The following TENM2 variants were observed in gnomAD, a reference collection of about 807,000 sequenced individuals.
TENM2 encodes the protein teneurin-2.
A neutral mutation model predicts 245.2 loss-of-function variants in TENM2; 52 were observed. The ratio of observed to expected loss-of-function variants is 0.21; its 90% CI spans 0.17 to 0.27. The LOEUF (loss-of-function observed/expected upper bound fraction) is 0.27. Ranked by LOEUF, TENM2 falls within the 10% of genes least tolerant of loss-of-function variation. TENM2 has a pLI of 1.00. For synonymous variants in TENM2, 1,363 were observed against 1,438.9 expected, an observed-to-expected ratio of 0.95 and a Z score of 1.19; for missense variants, 3,046 against 3,666.8, an observed-to-expected ratio of 0.83 and a Z score of 4.37.
At chr5:167,871,225 G>A (rs779031859) in intron 2 of TENM2, among the ~76,000 whole-genome samples, 3 of 152,124 alleles carry the variant, frequency 2.0e-5, no homozygotes, top group East Asian at 1.9e-4. Context: ...AGGACCTGGA[G>A]CATGGCTGTC....
chr5:167,258,265 G>A, the TENM2 span, among the ~76,000 whole-genome samples: 2 of 144,502 alleles, frequency 1.4e-5, no homozygotes, highest in African/African-American at 2.7e-5. Flanking sequence ...ATAGTGCAGT[G>A]TCCATATCAG....
At chr5:167,568,050 C>T (rs1368401687) in intron 2 of TENM2, among the ~76,000 whole-genome samples, 1 of 150,762 alleles carries the variant, frequency 6.6e-6, no homozygotes, top group Non-Finnish European at 1.5e-5. Context: ...AGATATAAAT[C>T]AAATAAAAAA....
Position 167,868,632 on chromosome 5 carries a change from G to T in TENM2, c.503-7354G>T, listed in dbSNP as rs1309960303. The stretch of plus-strand genomic sequence containing the variant: ...CGTGCCTGTAATCCCAGCTACTCAG[G>T]AGGCTGAGGCATGAGAATCACTTGA... On this transcript the variant is annotated intron_variant, in intron 2 of 28. Coordinates refer to ENST00000518659, the Ensembl canonical transcript of TENM2. Among the ~76,000 whole-genome samples, 5 of 150,994 alleles carry T rather than the reference G, an allele frequency of 3.3e-5. No individual in the cohort carries two copies. In the East Asian group the frequency reaches 9.8e-4, roughly 30 times the overall value.
chr5:167,566,183 C>CT (rs1180529640), intron 2 of TENM2, among the ~76,000 whole-genome samples: 202 of 142,460 alleles, frequency 1.4e-3, no homozygotes, highest in Middle Eastern at 7.4e-3. Flanking sequence ...AGAGAGTTCT[C>CT]TTTTTTTTTT....
rs188297720 is a variant in TENM2 at position 167,410,715 on chromosome 5, C to T, written c.502+35242C>T. ...AATCCCTCAGAGAAATGCAACTTCC[C>T]TGTCATTCTTATGTATTATTTAAGG... On this transcript the variant is annotated intron_variant, in intron 2 of 28. Coordinates refer to ENST00000518659, the Ensembl canonical transcript of TENM2. Among the ~76,000 whole-genome samples, 680 of 152,118 alleles carry T rather than the reference C, an allele frequency of 4.5e-3. 4 individuals carry two copies. Among genetic ancestry groups the T allele is most frequent in the Non-Finnish European group, 8.6e-3 (585 of 67,958 alleles).
At chr5:168,029,161 T>G (rs946069302) in intron 5 of TENM2, among the ~76,000 whole-genome samples, 1 of 152,166 alleles carries the variant, frequency 6.6e-6, no homozygotes, top group Non-Finnish European at 1.5e-5. Context: ...GAAGAGACTA[T>G]CTAGCTGTTT....
the TENM2 span, among the ~76,000 whole-genome samples, chr5:167,077,625 C>T: frequency 6.6e-6 from 1 of 152,036 alleles, no homozygotes; most frequent in Non-Finnish European, 1.5e-5. Context: ...TAAATCATGC[C>T]TTGTTTGTTT....
chr5:167,818,248 T>A (rs1000052144), intron 2 of TENM2, among the ~76,000 whole-genome samples: 2 of 152,166 alleles, frequency 1.3e-5, no homozygotes, highest in African/African-American at 4.8e-5. Context: ...GGGCAGCTCA[T>A]CTAGACAAGT....
At chr5:166,996,735 G>A in the TENM2 span, among the ~76,000 whole-genome samples, 2 of 152,202 alleles carry the variant, frequency 1.3e-5, no homozygotes, top group African/African-American at 4.8e-5. Flanking sequence ...GAAAGATTTT[G>A]TACCTAGATG....
chr5:167,988,535 T>C (rs981245122), intron 4 of TENM2, among the ~76,000 whole-genome samples: 4 of 151,886 alleles, frequency 2.6e-5, no homozygotes, highest in African/African-American at 7.3e-5. Flanking sequence ...AGAGCAGAGA[T>C]TGAAGGAACA....
At chr5:167,887,188 T>G (rs1016780280) in intron 3 of TENM2, among the ~76,000 whole-genome samples, 1 of 152,246 alleles carries the variant, frequency 6.6e-6, no homozygotes, top group Non-Finnish European at 1.5e-5. Flanking sequence ...CTTATTCAAT[T>G]TAGCACCTCA....
In TENM2 at chr5:168,244,362, G is replaced by GCCTGA. The variant is rs1488779544; in HGVS notation, c.5521-57_5521-53dup. Reference sequence around the variant, plus strand: ...CATGCCAGCCATGTCCTCCACAGAAGCCTGAGCCGGCATGCCTGGGTGATG... The same window carrying GCCTGA: ...CATGCCAGCCATGTCCTCCACAGAAGCCTGACCTGAGCCGGCATGCCTGGGTGATG... On this transcript the variant is annotated intron_variant, in intron 25 of 28. Coordinates refer to ENST00000518659, the Ensembl canonical transcript of TENM2. The surrounding 1 kb of genome is among the most constrained non-coding windows in gnomAD (Gnocchi z 4.9). The GCCTGA allele has an allele frequency of 2.2e-6, 3 of 1,385,332 alleles. No individual in the cohort carries two copies. The African/African-American group carries it at 4.4e-5, about 20-fold the overall frequency. The allele number at this position is 1,385,332 out of a possible 1,614,324, so 85.8% of individuals were successfully genotyped here. A position where few individuals can be genotyped will look rare whatever the true frequency, so the allele number is the denominator to read the frequency against.
chr5:167,090,047 AC>A, the TENM2 span, among the ~76,000 whole-genome samples: 190 of 152,286 alleles, frequency 1.2e-3, no homozygotes, highest in African/African-American at 4.5e-3. Context: ...CAAAGAAGGT[AC>A]CAGTTTCAGA....
intron 2 of TENM2, among the ~76,000 whole-genome samples, chr5:167,391,000 C>T (rs1338236825): frequency 6.6e-6 from 1 of 152,122 alleles, no homozygotes; most frequent in Non-Finnish European, 1.5e-5. Flanking sequence ...TTTTCCAGAG[C>T]ATACTCTCTT....
intron 14 of TENM2, among the ~76,000 whole-genome samples, chr5:168,191,479 A>G (rs1020349560): frequency 1.3e-5 from 2 of 151,946 alleles, no homozygotes; most frequent in Non-Finnish European, 2.9e-5. Context: ...AGCGTGGTCT[A>G]ATTGGGGATG....
At chr5:168,011,594 G>C (rs1785225789) in intron 5 of TENM2, among the ~76,000 whole-genome samples, 1 of 152,086 alleles carries the variant, frequency 6.6e-6, no homozygotes. Context: ...ATATTGCCCT[G>C]TATAGCTCAT....
chr5:168,096,133 G>A (rs754783293), intron 8 of TENM2, among the ~76,000 whole-genome samples: 26 of 152,116 alleles, frequency 1.7e-4, no homozygotes, highest in African/African-American at 5.8e-4. Flanking sequence ...AGACACTATC[G>A]CTGTCTCCCA....
chr5:167,836,250 T>C (rs577148518), intron 2 of TENM2, among the ~76,000 whole-genome samples: 1 of 152,242 alleles, frequency 6.6e-6, no homozygotes, highest in Non-Finnish European at 1.5e-5. Context: ...AACAGTCATT[T>C]TTCTCTGGCC....
At chr5:167,850,028 T>C (rs976103250) in intron 2 of TENM2, among the ~76,000 whole-genome samples, 2 of 152,198 alleles carry the variant, frequency 1.3e-5, no homozygotes, top group Non-Finnish European at 2.9e-5. Context: ...AACTCCTCTC[T>C]CCTCGCTGGA....
Sources: gnomAD v4.1 joint callset for allele counts (sites outside exome capture counted in the v4.1 genomes callset) on GRCh38, gnomAD v4.1.1 for gene constraint, Gnocchi (gnomAD v3.1) non-coding constraint, MANE v1.5 for transcripts, NCBI Gene and HGNC (gene_info 2026-07-23, HGNC 2026-07-21) for gene names.